CCNG2: variants seen among roughly 807,000 people sequenced by gnomAD.
CCNG2 encodes the protein cyclin G2.
CCNG2 carries 20 observed loss-of-function variants against 36.5 expected under a neutral mutation model. That is an observed-to-expected ratio of 0.55 (90% CI 0.39 to 0.80). CCNG2 has a LOEUF of 0.80. Among genes scored for constraint, CCNG2 ranks in the 30% least tolerant of loss-of-function variants. CCNG2 has a pLI of 0.00. For missense variants in CCNG2, 358 were observed against 390.8 expected, an observed-to-expected ratio of 0.92 and a Z score of 0.71; for synonymous variants, 155 against 140.1, an observed-to-expected ratio of 1.11 and a Z score of -0.75.
At chr4:77,160,572 G>T in intron 3 of CCNG2, 149 bp from the exon 4 acceptor site, 4 of 571,252 alleles carry the variant, frequency 7.0e-6, no homozygotes, top group Non-Finnish European at 8.8e-6. Context: ...ATGTGAAAAT[G>T]TGTATAATTG....
chr4:77,162,459 C>T (rs541679856), intron 6 of CCNG2, among the ~76,000 whole-genome samples: 8 of 149,774 alleles, frequency 5.3e-5, no homozygotes, highest in East Asian at 2.0e-4. Context: ...CTTGGCTCAC[C>T]GCAACCTCAG....
Position 77,161,633 on chromosome 4 carries a change from T to C in CCNG2, c.607-16T>C, listed in dbSNP as rs767869755. 6.3e-7 allele frequency: 1 copy of C among 1,576,110 alleles called. No homozygotes were observed. The highest frequency in any genetic ancestry group is 1.2e-5 in the South Asian group (1 of 84,296). ...TTTTTAAAAAATATTTTTCTTTTTTTTCTTTTTTCTTACAGCCATCTGTAT... is the reference window on the plus strand; with the variant it reads ...TTTTTAAAAAATATTTTTCTTTTTTCTCTTTTTTCTTACAGCCATCTGTAT... On this transcript the variant is annotated splice_polypyrimidine_tract_variant and intron_variant, in intron 5 of 7. Transcript: ENST00000316355.
rs1449357086 is a variant in CCNG2, at chr4:77,166,571, G to C, written c.*647G>C. 6.6e-6 allele frequency: 1 copy of C among 152,092 alleles called. No individual in the cohort carries two copies. The highest frequency in any genetic ancestry group is 2.4e-5 in the African/African-American group (1 of 41,426). 9.4% of individuals were successfully genotyped at this position (152,092 alleles called of 1,614,324 possible). On this transcript the variant is annotated 3_prime_UTR_variant, in exon 8 of 8. Transcript: ENST00000316355. ...AGAAATAATTAGGCTAGGGCTCTTA[G>C]TTTTCATTCCTATTGCCCAAGTATT...
chr4:77,160,966 A>G lies in CCNG2; in HGVS notation c.522A>G (p.Ser174=). The G allele has an allele frequency of 6.3e-7, 1 of 1,599,708 alleles. No homozygotes were observed. Among genetic ancestry groups the G allele is most frequent in the East Asian group, 2.2e-5 (1 of 44,806 alleles). Residue 174 remains serine (S), a synonymous_variant, in exon 4 of 8, where the codon TCA becomes TCG. Transcript: ENST00000316355. ...ATACTATTATACTTTGTCATACTTC[A>G]GAAAGGTCAGTGGGATTAAAGATAC... The part of the protein sequence containing the change: ...LYHTIILCHT[S]ERKEILSLDK...
In CCNG2 at chr4:77,166,213, T is replaced by A. The variant is rs1357834997; in HGVS notation, c.*289T>A. 1 of 206,750 alleles carries A rather than the reference T, an allele frequency of 4.8e-6. No homozygotes were observed. Among genetic ancestry groups the A allele is most frequent in the African/African-American group, 2.3e-5 (1 of 43,328 alleles). The allele number at this position is 206,750 out of a possible 1,614,324, so 12.8% of individuals were successfully genotyped here. A position where few individuals can be genotyped will look rare whatever the true frequency, so the allele number is the denominator to read the frequency against. Reference sequence around the variant, plus strand: ...AGGGAAGGTGCTGATACCTTCAATTTGTTACTTTTCAAGATTTTTAAAAAT... The same window carrying A: ...AGGGAAGGTGCTGATACCTTCAATTAGTTACTTTTCAAGATTTTTAAAAAT... On this transcript the variant is annotated 3_prime_UTR_variant, in exon 8 of 8. Coordinates refer to ENST00000316355, the MANE Select transcript of CCNG2 (RefSeq NM_004354.3).
intron 7 of CCNG2, chr4:77,164,680 A>T: frequency 2.1e-6 from 1 of 485,856 alleles, no homozygotes; most frequent in South Asian, 3.4e-5. Context: ...GTCCTCTCCA[A>T]TTTTTTTAGT....
At chr4:77,158,454 A>G in intron 1 of CCNG2, 79 bp from the exon 2 acceptor site, 8 of 1,429,628 alleles carry the variant, frequency 5.6e-6, no homozygotes, top group Non-Finnish European at 5.9e-6. Context: ...TGCTGGAGGT[A>G]CTGGCCTCAG....
Position 77,167,267 on chromosome 4 carries a change from A to G in CCNG2, c.*1343A>G, listed in dbSNP as rs1167226124. The G allele has an allele frequency of 6.6e-6, 1 of 152,186 alleles. No homozygotes were observed. The highest frequency in any genetic ancestry group is 1.5e-5 in the Non-Finnish European group (1 of 68,030). The allele number at this position is 152,186 out of a possible 1,614,324, so 9.4% of individuals were successfully genotyped here. On this transcript the variant is annotated 3_prime_UTR_variant, in exon 8 of 8. Transcript: ENST00000316355. Reference sequence around the variant, plus strand: ...TGTTAAAAGTTCTTGATGTATTTTAATGAGAAGACTTTAGGTGAGGCTACA... The same window carrying G: ...TGTTAAAAGTTCTTGATGTATTTTAGTGAGAAGACTTTAGGTGAGGCTACA...
chr4:77,168,892 C>T lies in CCNG2; in HGVS notation c.*2968C>T, dbSNP rs142612325. The stretch of plus-strand genomic sequence containing the variant: ...TTGTCCTCATCCTTACCCCCGTTGA[C>T]TTGGCGAGAGATTTGACCTTTCAGG... On this transcript the variant is annotated 3_prime_UTR_variant, in exon 8 of 8. Coordinates refer to ENST00000316355, the MANE Select transcript of CCNG2 (RefSeq NM_004354.3). The T allele has an allele frequency of 6.6e-6, 1 of 152,350 alleles. No homozygotes were observed. Among genetic ancestry groups the T allele is most frequent in the African/African-American group, 2.4e-5 (1 of 41,560 alleles). 9.4% of individuals were successfully genotyped at this position (152,350 alleles called of 1,614,324 possible). A position where few individuals can be genotyped will look rare whatever the true frequency, so the allele number is the denominator to read the frequency against.
Position 77,159,522 on chromosome 4 carries a change from T to A in CCNG2, c.276+18T>A. 1 of 1,606,948 alleles carries A rather than the reference T, an allele frequency of 6.2e-7. No homozygotes were observed. Among genetic ancestry groups the A allele is most frequent in the South Asian group, 1.1e-5 (1 of 89,476 alleles). ...TTATGAAGGTATTTCATCATTTTTA[T>A]AAATATGTCTTCCTTTTTCTATGCC... On this transcript the variant is annotated intron_variant, in intron 3 of 7. Transcript: ENST00000316355.
chr4:77,161,964 A>G (rs1193454721), intron 6 of CCNG2, among the ~76,000 whole-genome samples: 1 of 152,208 alleles, frequency 6.6e-6, no homozygotes, highest in Admixed American at 6.5e-5. Context: ...TTCTTTCTGC[A>G]TATAGGTGCC....
In CCNG2 at chr4:77,164,338, C is replaced by T; in HGVS notation, c.770C>T (p.Ser257Phe). 5 of 1,613,962 alleles carry T rather than the reference C, an allele frequency of 3.1e-6. No homozygotes were observed. Among genetic ancestry groups the T allele is most frequent in the Non-Finnish European group, 4.2e-6 (5 of 1,179,968 alleles). ...LVSKCLAEYS[S>F]PECCKPDLKK... ...TCTAAATGCCTAGCCGAGTATTCTT[C>T]TCCTGAATGTTGCAAACCAGATCTT... The change falls in exon 7 of 8, where the codon TCT (serine) becomes TTT (phenylalanine). Residue 257 changes from serine (S) to phenylalanine (F), a missense_variant. Transcript: ENST00000316355.
chr4:77,160,436 T>C (rs1731397187), intron 3 of CCNG2, among the ~76,000 whole-genome samples: 1 of 149,438 alleles, frequency 6.7e-6, no homozygotes, highest in African/African-American at 2.5e-5. Flanking sequence ...GCCAGAGTGT[T>C]CTCAAACTCC....
rs890593521 is a variant in CCNG2 at position 77,169,937 on chromosome 4, ATC to A, written c.*4017_*4018del. Reference sequence around the variant, plus strand: ...TGTTATTTATGGTCAAATGGTGATTATCTCTGGTGAGATTACAGGTGATGTTT... The same window carrying A: ...TGTTATTTATGGTCAAATGGTGATTATCTGGTGAGATTACAGGTGATGTTT... On this transcript the variant is annotated 3_prime_UTR_variant, in exon 8 of 8. Transcript: ENST00000316355. 6.6e-6 allele frequency: 1 copy of A among 152,260 alleles called. No homozygotes were observed. The highest frequency in any genetic ancestry group is 2.4e-5 in the African/African-American group (1 of 41,462). 9.4% of individuals were successfully genotyped at this position (152,260 alleles called of 1,614,324 possible). A position where few individuals can be genotyped will look rare whatever the true frequency, so the allele number is the denominator to read the frequency against.
intron 4 of CCNG2, 38 bp from the exon 5 acceptor site, chr4:77,161,442 T>G (rs1731433184): frequency 7.1e-7 from 1 of 1,410,300 alleles, no homozygotes; most frequent in East Asian, 2.3e-5. Flanking sequence ...TTTAAATCTT[T>G]GGAAGTTTAA....
intron 6 of CCNG2, among the ~76,000 whole-genome samples, chr4:77,163,857 T>C (rs1212904451): frequency 6.6e-6 from 1 of 152,188 alleles, no homozygotes; most frequent in Non-Finnish European, 1.5e-5. Context: ...GGAACCCAAA[T>C]TGGTTTCTGT....
At position 77,167,207 on chromosome 4, in the gene CCNG2, TCTC is replaced by T. The variant is rs1315947814; in HGVS notation, c.*1286_*1288del. The stretch of plus-strand genomic sequence containing the variant: ...ATTCAAAATAAAATTATTAATGAAT[TCTC>T]CTTGTTTGGGATCACATCTTAATTT... On this transcript the variant is annotated 3_prime_UTR_variant, in exon 8 of 8. Transcript: ENST00000316355. 3 of 152,188 alleles carry T rather than the reference TCTC, an allele frequency of 2.0e-5. No homozygotes were observed. Among genetic ancestry groups the T allele is most frequent in the East Asian group, 1.9e-4 (1 of 5,202 alleles). 9.4% of individuals were successfully genotyped at this position (152,188 alleles called of 1,614,324 possible). A position where few individuals can be genotyped will look rare whatever the true frequency, so the allele number is the denominator to read the frequency against.
rs1293002373 is a variant in CCNG2, at chr4:77,157,324, C to G, written c.-183C>G. On this transcript the variant is annotated 5_prime_UTR_variant, in exon 1 of 8. Coordinates refer to ENST00000316355, the MANE Select transcript of CCNG2 (RefSeq NM_004354.3). ...CGGCGGAGGGTGGGCGCGCGGGGAGCGGGATGGAGCCGGGGCTGTGAGGCC... is the reference window on the plus strand; with the variant it reads ...CGGCGGAGGGTGGGCGCGCGGGGAGGGGGATGGAGCCGGGGCTGTGAGGCC... 1.3e-5 allele frequency: 2 copies of G among 152,580 alleles called. No individual in the cohort carries two copies. Among genetic ancestry groups the G allele is most frequent in the East Asian group, 3.9e-4 (2 of 5,158 alleles). The allele number at this position is 152,580 out of a possible 1,614,324, so 9.5% of individuals were successfully genotyped here.
rs761132608 is a variant in CCNG2 at position 77,165,892 on chromosome 4, A to G, written c.1003A>G (p.Lys335Glu). 2 of 1,611,042 alleles carry G rather than the reference A, an allele frequency of 1.2e-6. No homozygotes were observed. Among genetic ancestry groups the G allele is most frequent in the Non-Finnish European group, 8.5e-7 (1 of 1,179,058 alleles). The stretch of plus-strand genomic sequence containing the variant: ...AGAGTGCACCTTCTTTTTCAACTTC[A>G]AAGTGGCACAAACACTGTGCTTTCC... ...DQECTFFFNFKVAQTLCFPS is the reference protein window; with the variant it reads ...DQECTFFFNFEVAQTLCFPS Residue 335 changes from lysine to glutamate, a missense_variant, in exon 8 of 8, where the codon AAA (lysine) becomes GAA (glutamate). By Grantham distance (56) the Lys-to-Glu change is moderately conservative. Transcript: ENST00000316355.
Sources: gnomAD v4.1 joint callset for allele counts (sites outside exome capture counted in the v4.1 genomes callset) on GRCh38, gnomAD v4.1.1 for gene constraint, MANE v1.5 for transcripts, NCBI Gene and HGNC (gene_info 2026-07-23, HGNC 2026-07-21) for gene names.